SMAD6: variants seen among roughly 807,000 people sequenced by gnomAD.
SMAD6 encodes the protein MAD homolog 6.
Under a neutral mutation model 39.4 loss-of-function variants are expected in SMAD6, and 103 were observed. The observed-to-expected ratio is 2.62, with a 90% CI of 2.23 to 3.08. The LOEUF is 3.08. SMAD6 is among the 30% of genes most tolerant of loss of function. SMAD6 has a pLI of 0.00. For missense variants in SMAD6, 1,104 were observed against 742.9 expected (o/e 1.49, Z -5.65); for synonymous variants, 445 against 353.3 (o/e 1.26, Z -2.91).
chr15:66,761,068 T>G (rs1186219947), intron 3 of SMAD6, among the ~76,000 whole-genome samples: 1 of 152,158 alleles, frequency 6.6e-6, no homozygotes, highest in Non-Finnish European at 1.5e-5. Flanking sequence ...AAACACTGCC[T>G]CTTTAACCCT....
intron 1 of SMAD6, chr15:66,704,645 G>C (rs1893069766): frequency 6.6e-6 from 1 of 152,242 alleles, no homozygotes; most frequent in African/African-American, 2.4e-5. Flanking sequence ...CTGGAGTAAA[G>C]AGCACCCTCT....
At chr15:66,729,400 C>G (rs1313892561) in intron 3 of SMAD6, among the ~76,000 whole-genome samples, 4 of 152,222 alleles carry the variant, frequency 2.6e-5, no homozygotes, top group African/African-American at 9.7e-5. Flanking sequence ...CTGGGCCTTT[C>G]ACCGGTAGCC....
chr15:66,703,848 C>T lies in SMAD6; in HGVS notation c.590C>T (p.Ser197Phe). The part of the protein sequence containing the change: ...SLDTLLEAVE[S>F]RGGVPGGCVL... ...GACACGCTGCTGGAGGCGGTGGAGT[C>T]CCGCGGCGGCGTGCCGGGCGGCTGC... is the stretch of plus-strand genomic sequence containing the variant. Residue 197 changes from serine to phenylalanine, a missense_variant, in exon 1 of 4, where the codon TCC becomes TTC. Transcript: ENST00000288840. The T allele has an allele frequency of 3.7e-6, 5 of 1,357,874 alleles. No individual in the cohort carries two copies. The highest frequency in any genetic ancestry group is 2.9e-6 in the Non-Finnish European group (3 of 1,043,702). 84.1% of individuals were successfully genotyped at this position (1,357,874 alleles called of 1,614,324 possible).
chr15:66,723,021 G>A (rs1473469897), intron 3 of SMAD6, among the ~76,000 whole-genome samples: 4 of 152,152 alleles, frequency 2.6e-5, no homozygotes, highest in Non-Finnish European at 5.9e-5. Context: ...GGGCTCCTTG[G>A]TGCTAATGTG....
intron 1 of SMAD6, chr15:66,705,753 C>G (rs1474039619): frequency 1.3e-5 from 2 of 152,860 alleles, no homozygotes; most frequent in African/African-American, 4.8e-5. Flanking sequence ...AACATAATCC[C>G]ACCAGGGATT....
At chr15:66,727,100 T>G (rs939478096) in intron 3 of SMAD6, among the ~76,000 whole-genome samples, 13 of 114,662 alleles carry the variant, frequency 1.1e-4, no homozygotes, top group African/African-American at 5.0e-4. Flanking sequence ...TTTCTTCTTC[T>G]TCTTTTTTTT....
At chr15:66,760,078 C>T (rs552589012) in intron 3 of SMAD6, among the ~76,000 whole-genome samples, 10 of 152,246 alleles carry the variant, frequency 6.6e-5, no homozygotes, top group Admixed American at 4.6e-4. Flanking sequence ...CCTGGAATGC[C>T]GCTTTTCCTC....
At chr15:66,763,528 C>T (rs796177413) in intron 3 of SMAD6, among the ~76,000 whole-genome samples, 1 of 152,354 alleles carries the variant, frequency 6.6e-6, no homozygotes, top group East Asian at 1.9e-4. Flanking sequence ...TCTCTGGGGC[C>T]TTGCAGTCTG....
chr15:66,719,406 A>G (rs1192903735), intron 3 of SMAD6, among the ~76,000 whole-genome samples: 1 of 152,064 alleles, frequency 6.6e-6, no homozygotes, highest in Admixed American at 6.5e-5. Context: ...CCAGGCCACT[A>G]CTGGACAAAC....
intron 2 of SMAD6, among the ~76,000 whole-genome samples, chr15:66,712,833 C>G (rs1396369060): frequency 6.6e-6 from 1 of 151,906 alleles, no homozygotes; most frequent in Non-Finnish European, 1.5e-5. Flanking sequence ...ATAGCAAGAC[C>G]CCATCTCTAT....
At position 66,703,463 on chromosome 15, in the gene SMAD6, C is replaced by G; in HGVS notation, c.205C>G (p.Arg69Gly). Residue 69 changes from arginine to glycine, a missense_variant, in exon 1 of 4, where the codon CGG (arginine) becomes GGG (glycine). Arg to Gly is a moderately radical substitution (Grantham distance 125). Coordinates refer to ENST00000288840, the MANE Select transcript of SMAD6 (RefSeq NM_005585.5). ...EVRPVAPRRP[R>G]DAVGQRGAQG... ...CCGCCCGGTAGCCCCGCGGCGGCCC[C>G]GGGACGCAGTGGGACAGCGAGGCGC... The G allele has an allele frequency of 7.9e-7, 1 of 1,265,394 alleles. No homozygotes were observed. Among genetic ancestry groups the G allele is most frequent in the South Asian group, 3.2e-5 (1 of 30,978 alleles). The allele number at this position is 1,265,394 out of a possible 1,614,324, so 78.4% of individuals were successfully genotyped here.
rs780836300 is a variant in SMAD6, at chr15:66,716,376, G to A, written c.875-45G>A. The A allele has an allele frequency of 2.6e-5, 35 of 1,355,094 alleles. No individual in the cohort carries two copies. The East Asian group carries it at 2.7e-4, about 11-fold the overall frequency. 83.9% of individuals were successfully genotyped at this position (1,355,094 alleles called of 1,614,324 possible). Reference sequence around the variant, plus strand: ...CATGAGAAAGAAGAAAAAAGAGAGCGCTGCCCCACGGCCAACTAAGTTCTC... The same window carrying A: ...CATGAGAAAGAAGAAAAAAGAGAGCACTGCCCCACGGCCAACTAAGTTCTC... On this transcript the variant is annotated intron_variant, in intron 2 of 3. Transcript: ENST00000288840.
chr15:66,776,946 A>G (rs1894477273), intron 3 of SMAD6, among the ~76,000 whole-genome samples: 1 of 152,080 alleles, frequency 6.6e-6, no homozygotes, highest in South Asian at 2.1e-4. Context: ...CTGAGGAGGG[A>G]GAATCGCTTG....
At chr15:66,708,037 C>G (rs531040563) in intron 1 of SMAD6, 29 of 152,450 alleles carry the variant, frequency 1.9e-4, no homozygotes, top group Non-Finnish European at 3.1e-4. Flanking sequence ...TTCTGGTGCA[C>G]TGGCCCCTGG....
At chr15:66,774,042 T>G (rs1204932973) in intron 3 of SMAD6, among the ~76,000 whole-genome samples, 1 of 152,126 alleles carries the variant, frequency 6.6e-6, no homozygotes, top group East Asian at 1.9e-4. Context: ...CCTAGACCCC[T>G]GAAGACCCAG....
At chr15:66,768,438 C>CT (rs1894327045) in intron 3 of SMAD6, among the ~76,000 whole-genome samples, 1 of 152,220 alleles carries the variant, frequency 6.6e-6, no homozygotes, top group Non-Finnish European at 1.5e-5. Flanking sequence ...CTCTTCCATT[C>CT]AAAGCTATGT....
At chr15:66,737,734 G>A (rs1159697466) in intron 3 of SMAD6, among the ~76,000 whole-genome samples, 1 of 152,072 alleles carries the variant, frequency 6.6e-6, no homozygotes, top group African/African-American at 2.4e-5. Flanking sequence ...AAGTGAGCCA[G>A]GAAGTCATGC....
In SMAD6 at chr15:66,702,424, T is replaced by G; in HGVS notation, c.-835T>G. The stretch of plus-strand genomic sequence containing the variant: ...ACCCCGGGGCCACCGGGAGGCACTT[T>G]TGTGGAGGGGGGAGGGGGGGCGACC... On this transcript the variant is annotated 5_prime_UTR_variant, in exon 1 of 4. Coordinates refer to ENST00000288840, the MANE Select transcript of SMAD6 (RefSeq NM_005585.5). 1 of 149,348 alleles carries G rather than the reference T, an allele frequency of 6.7e-6. No individual in the cohort carries two copies. The highest frequency in any genetic ancestry group is 2.2e-4 in the South Asian group (1 of 4,624). The allele number at this position is 149,348 out of a possible 1,614,324, so 9.3% of individuals were successfully genotyped here. A position where few individuals can be genotyped will look rare whatever the true frequency, so the allele number is the denominator to read the frequency against.
chr15:66,781,189 G>A lies in SMAD6; in HGVS notation c.1145G>A (p.Arg382Gln). The part of the protein sequence containing the change: ...NLEQRSESVR[R>Q]TRSKIGFGIL... ...GAGCAGCGCAGCGAGTCGGTGCGGC[G>A]AACGCGCAGCAAGATCGGCTTCGGC... The change falls in exon 4 of 4, where the codon CGA (arginine) becomes CAA (glutamine). Residue 382 changes from arginine to glutamine, a missense_variant. Physicochemically the swap from Arg to Gln is conservative, Grantham distance 43. Transcript: ENST00000288840. 2 of 1,607,892 alleles carry A rather than the reference G, an allele frequency of 1.2e-6. No homozygotes were observed. Among genetic ancestry groups the A allele is most frequent in the East Asian group, 2.2e-5 (1 of 44,860 alleles).
Sources: gnomAD v4.1 joint callset for allele counts (sites outside exome capture counted in the v4.1 genomes callset) on GRCh38, gnomAD v4.1.1 for gene constraint, MANE v1.5 for transcripts, NCBI Gene and HGNC (gene_info 2026-07-23, HGNC 2026-07-21) for gene names.